The following DSE variants were observed in gnomAD, a reference collection of about 807,000 sequenced individuals.
The protein encoded by DSE is dermatan sulfate epimerase, also known as dermatan-sulfate epimerase.
DSE carries 36 observed loss-of-function variants against 84.4 expected under a neutral mutation model. The observed-to-expected ratio is 0.43, with a 90% CI of 0.33 to 0.56. The LOEUF (loss-of-function observed/expected upper bound fraction) is 0.56. Ranked by LOEUF, DSE falls within the 20% of genes least tolerant of loss-of-function variation. DSE has a pLI of 0.06. For synonymous variants in DSE, 410 were observed against 430.1 expected (o/e 0.95, Z 0.58); for missense variants, 862 against 1,169.6 (o/e 0.74, Z 3.84).
chr6:116,353,777 A>G (rs1254619373), intron 2 of DSE, among the ~76,000 whole-genome samples: 1 of 152,214 alleles, frequency 6.6e-6, no homozygotes, highest in African/African-American at 2.4e-5. Flanking sequence ...TATCTAGCTT[A>G]TTTTATAACT....
intron 5 of DSE, among the ~76,000 whole-genome samples, chr6:116,434,391 AT>A (rs1784031815): frequency 6.6e-6 from 1 of 152,162 alleles, no homozygotes; most frequent in African/African-American, 2.4e-5. Flanking sequence ...GGAGGAAAAA[AT>A]ATTAGTAAAA....
At chr6:116,287,117 A>G (rs1237801017) in intron 2 of DSE, among the ~76,000 whole-genome samples, 1 of 152,106 alleles carries the variant, frequency 6.6e-6, no homozygotes, top group Non-Finnish European at 1.5e-5. Context: ...AAGTACTGAC[A>G]TCAAAACTTA....
rs1784536697 is a variant in DSE, at chr6:116,444,849, T to C, written c.*7504T>C. ...AGAACTGTGGTAAATAAATTTCTGT[T>C]GTTTGTAAGCCACCTAGTCTATGGT... On this transcript the variant is annotated 3_prime_UTR_variant, in exon 6 of 6. Coordinates refer to ENST00000644252, the MANE Select transcript of DSE (RefSeq NM_013352.4). 6.6e-6 allele frequency: 1 copy of C among 152,218 alleles called. No individual in the cohort carries two copies. Among genetic ancestry groups the C allele is most frequent in the Non-Finnish European group, 1.5e-5 (1 of 68,052 alleles). 9.4% of individuals were successfully genotyped at this position (152,218 alleles called of 1,614,324 possible). A position where few individuals can be genotyped will look rare whatever the true frequency, so the allele number is the denominator to read the frequency against.
chr6:116,391,772 A>G (rs2114975491), intron 1 of DSE, among the ~76,000 whole-genome samples: 1 of 151,832 alleles, frequency 6.6e-6, no homozygotes, highest in African/African-American at 2.4e-5. Flanking sequence ...CTTAAAAAAA[A>G]AAAAAAAAAA....
chr6:116,414,085 C>T (rs555981169), intron 2 of DSE, among the ~76,000 whole-genome samples: 4 of 152,168 alleles, frequency 2.6e-5, no homozygotes, highest in East Asian at 1.9e-4. Context: ...TTTTTAGTGT[C>T]GGTGTATTTG....
intron 1 of DSE, chr6:116,257,135 T>C (rs1772173624): frequency 6.6e-6 from 1 of 152,228 alleles, no homozygotes; most frequent in African/African-American, 2.4e-5. Context: ...AATGATATAG[T>C]TTCTGGTTCA....
upstream of DSE, chr6:116,370,195 T>TCTCA: frequency 3.3e-6 from 1 of 298,832 alleles, no homozygotes; most frequent in East Asian, 7.9e-5. Flanking sequence ...GATCTCTCTC[T>TCTCA]CTCACACACA....
At position 116,443,276 on chromosome 6, in the gene DSE, G is replaced by A. The variant is rs139858364; in HGVS notation, c.*5931G>A. 22 of 152,312 alleles carry A rather than the reference G, an allele frequency of 1.4e-4. No homozygotes were observed. Among genetic ancestry groups the A allele is most frequent in the Admixed American group, 1.4e-3 (21 of 15,300 alleles). 9.4% of individuals were successfully genotyped at this position (152,312 alleles called of 1,614,324 possible). A position where few individuals can be genotyped will look rare whatever the true frequency, so the allele number is the denominator to read the frequency against. ...AGATAATGAGTCAAGGATCCCTAAT[G>A]GTATATATGTCTGAGTCTTATTTAA... On this transcript the variant is annotated 3_prime_UTR_variant, in exon 6 of 6. Transcript: ENST00000644252.
At chr6:116,396,161 C>T (rs1781237372) in intron 1 of DSE, among the ~76,000 whole-genome samples, 1 of 152,204 alleles carries the variant, frequency 6.6e-6, no homozygotes, top group African/African-American at 2.4e-5. Flanking sequence ...TTTGGTTCAG[C>T]ACAGCCAGCA....
chr6:116,264,173 T>C (rs1263015344), intron 2 of DSE, among the ~76,000 whole-genome samples: 1 of 152,222 alleles, frequency 6.6e-6, no homozygotes, highest in African/African-American at 2.4e-5. Flanking sequence ...ATGGATAATA[T>C]CCTGAAATAT....
At chr6:116,404,409 T>C (rs1412400538) in intron 2 of DSE, among the ~76,000 whole-genome samples, 1 of 152,226 alleles carries the variant, frequency 6.6e-6, no homozygotes, top group African/African-American at 2.4e-5. Context: ...ACAGCATCCA[T>C]TTCCAAGCAG....
intron 1 of DSE, among the ~76,000 whole-genome samples, chr6:116,391,856 AG>A (rs1006236852): frequency 1.3e-5 from 2 of 151,606 alleles, no homozygotes; most frequent in Non-Finnish European, 2.9e-5. Flanking sequence ...GTATAATTTT[AG>A]GGAACGATTC....
chr6:116,294,301 G>C (rs1372620413), intron 2 of DSE, among the ~76,000 whole-genome samples: 1 of 152,176 alleles, frequency 6.6e-6, no homozygotes, highest in Non-Finnish European at 1.5e-5. Flanking sequence ...GGGATTATAG[G>C]AGTGAGCCAC....
chr6:116,281,440 T>C (rs1047873776), intron 2 of DSE, among the ~76,000 whole-genome samples: 1 of 152,234 alleles, frequency 6.6e-6, no homozygotes, highest in Non-Finnish European at 1.5e-5. Context: ...GATTAAGGTT[T>C]GGTTGCATCT....
intron 2 of DSE, among the ~76,000 whole-genome samples, chr6:116,304,632 G>A (rs926590219): frequency 1.3e-5 from 2 of 152,166 alleles, no homozygotes; most frequent in Non-Finnish European, 2.9e-5. Context: ...CTGGTTGGGG[G>A]ATTGTGGCAC....
chr6:116,405,064 G>C (rs1248317532), intron 2 of DSE, among the ~76,000 whole-genome samples: 1 of 151,248 alleles, frequency 6.6e-6, no homozygotes, highest in Non-Finnish European at 1.5e-5. Flanking sequence ...TGTCATCCGA[G>C]GGTGTATTTG....
intron 2 of DSE, among the ~76,000 whole-genome samples, chr6:116,301,981 C>T (rs1775069241): frequency 6.6e-6 from 1 of 152,196 alleles, no homozygotes; most frequent in African/African-American, 2.4e-5. Context: ...TTTTTTATGG[C>T]TGCATATTAT....
intron 2 of DSE, among the ~76,000 whole-genome samples, chr6:116,417,435 T>C (rs1265352691): frequency 6.6e-6 from 1 of 152,218 alleles, no homozygotes; most frequent in Admixed American, 6.5e-5. Context: ...ACAAATCATC[T>C]AGAATACTTT....
chr6:116,302,971 C>T (rs746676876), intron 2 of DSE, among the ~76,000 whole-genome samples: 7 of 151,874 alleles, frequency 4.6e-5, no homozygotes, highest in Non-Finnish European at 8.8e-5. Context: ...GTATTATTTC[C>T]GAGGCCTCTG....
Sources: allele counts gnomAD v4.1 joint callset (sites outside exome capture counted in the v4.1 genomes callset), GRCh38; gene constraint gnomAD v4.1.1; transcripts MANE v1.5; gene names NCBI Gene and HGNC (gene_info 2026-07-23, HGNC 2026-07-21).